Variants in NT5DC3 observed in about 807,000 individuals in gnomAD.
NT5DC3 encodes 5'-nucleotidase domain-containing protein 3.
A neutral mutation model predicts 67.8 loss-of-function variants in NT5DC3; 42 were observed. That is an observed-to-expected ratio of 0.62 (90% CI 0.48 to 0.80). NT5DC3 has a LOEUF of 0.80. NT5DC3 is among the 30% of genes least tolerant of loss of function. NT5DC3 has a pLI of 0.00. For missense variants in NT5DC3, 570 were observed against 696.4 expected, an observed-to-expected ratio of 0.82 and a Z score of 2.04; for synonymous variants, 237 against 255.6, an observed-to-expected ratio of 0.93 and a Z score of 0.69.
intron 1 of NT5DC3, among the ~76,000 whole-genome samples, chr12:103,837,241 G>C (rs1163120131): frequency 6.6e-6 from 1 of 152,174 alleles, no homozygotes; most frequent in South Asian, 2.1e-4. Context: ...AGGACACAGC[G>C]CACACAGCAT....
intron 1 of NT5DC3, among the ~76,000 whole-genome samples, chr12:103,829,287 G>A (rs1254346509): frequency 6.6e-6 from 1 of 152,158 alleles, no homozygotes. Context: ...AGCACAAAAG[G>A]AGAACCAGAA....
chr12:103,766,285 G>A (rs1415223230), downstream of NT5DC3: 1 of 1,614,108 alleles, frequency 6.2e-7, no homozygotes, highest in South Asian at 1.1e-5. Flanking sequence ...CTCTTTTCCA[G>A]GACTCTGAAG....
chr12:103,792,738 C>A (rs1886120611), intron 9 of NT5DC3, among the ~76,000 whole-genome samples: 1 of 152,188 alleles, frequency 6.6e-6, no homozygotes, highest in African/African-American at 2.4e-5. Context: ...TGTTGCAGAG[C>A]AGCTCTGCAA....
chr12:103,835,807 T>G (rs978004932), intron 1 of NT5DC3, among the ~76,000 whole-genome samples: 1 of 152,078 alleles, frequency 6.6e-6, no homozygotes, highest in South Asian at 2.1e-4. Context: ...CAAACTCTGG[T>G]CCAACGGTAT....
chr12:103,759,368 C>T, the NT5DC3 span: 4 of 1,495,908 alleles, frequency 2.7e-6, no homozygotes, highest in Non-Finnish European at 3.6e-6. Flanking sequence ...AACTATTATG[C>T]AAACATAAAC....
intron 1 of NT5DC3, among the ~76,000 whole-genome samples, chr12:103,818,231 G>T (rs1247449195): frequency 6.6e-6 from 1 of 152,116 alleles, no homozygotes; most frequent in East Asian, 1.9e-4. Context: ...CATTATGAAG[G>T]CACATGTATG....
intron 2 of NT5DC3, among the ~76,000 whole-genome samples, chr12:103,814,001 G>A (rs1887142126): frequency 6.6e-6 from 1 of 152,084 alleles, no homozygotes; most frequent in African/African-American, 2.4e-5. Context: ...AATTCCCTAA[G>A]GCAGAGAAAG....
chr12:103,746,582 C>A, the NT5DC3 span: 1 of 1,613,032 alleles, frequency 6.2e-7, no homozygotes, highest in Non-Finnish European at 8.5e-7. Context: ...ATGAAAGTGG[C>A]CCCTTTCTTT....
At chr12:103,836,518 T>C (rs139194983) in intron 1 of NT5DC3, among the ~76,000 whole-genome samples, 52 of 152,312 alleles carry the variant, frequency 3.4e-4, no homozygotes, top group African/African-American at 1.2e-3. Flanking sequence ...TCCAGGTCTC[T>C]ACATGGACTA....
At chr12:103,755,267 G>A in the NT5DC3 span, 1 of 1,605,420 alleles carries the variant, frequency 6.2e-7, no homozygotes. Flanking sequence ...ACATGAACTT[G>A]CAGCTGACCC....
Position 103,813,155 on chromosome 12 carries a change from T to A in NT5DC3, c.393+1782A>T, listed in dbSNP as rs1566119268. ...TCAAAGTCACAGAAAACACTGCAGC[T>A]GACCTGGAACTGAAATGCCAGCACC... On this transcript the variant is annotated intron_variant, in intron 2 of 13. Coordinates refer to ENST00000392876, the MANE Select transcript of NT5DC3 (RefSeq NM_001031701.3). Among the ~76,000 whole-genome samples, 6 of 152,376 alleles carry A rather than the reference T, an allele frequency of 3.9e-5. No individual in the cohort carries two copies. The South Asian group carries it at 6.2e-4, about 16-fold the overall frequency.
At chr12:103,826,345 G>A (rs574457720) in intron 1 of NT5DC3, among the ~76,000 whole-genome samples, 11 of 152,230 alleles carry the variant, frequency 7.2e-5, no homozygotes, top group Non-Finnish European at 1.3e-4. Flanking sequence ...ATTGGTATCA[G>A]CTGACTTTCA....
At chr12:103,786,579 T>C (rs1235549065) in intron 11 of NT5DC3, among the ~76,000 whole-genome samples, 6 of 152,122 alleles carry the variant, frequency 3.9e-5, no homozygotes, top group Admixed American at 6.5e-5. Flanking sequence ...AGCTGATTTA[T>C]AGTTTTAAAG....
At chr12:103,809,562 C>T (rs955193501) in intron 2 of NT5DC3, among the ~76,000 whole-genome samples, 5 of 152,222 alleles carry the variant, frequency 3.3e-5, no homozygotes, top group Admixed American at 2.6e-4. Context: ...GGAGACCTCA[C>T]AATCATGGAG....
rs1298124876 is a variant in NT5DC3 at position 103,841,070 on chromosome 12, G to T, written c.87C>A (p.Thr29=). 3 of 1,259,828 alleles carry T rather than the reference G, an allele frequency of 2.4e-6. No homozygotes were observed. The highest frequency in any genetic ancestry group is 2.0e-6 in the Non-Finnish European group (2 of 1,005,204). The allele number at this position is 1,259,828 out of a possible 1,614,324, so 78.0% of individuals were successfully genotyped here. Residue 29 remains threonine, a synonymous_variant, in exon 1 of 14, where the codon ACC becomes ACA. Transcript: ENST00000392876. ...CCGCACACGGCCGCCCCCGAGCCGC[G>T]GTCCCGCAGCCACCCCGCAAAGCCG... ...TAAALRGGCG[T]AARGRPCAGP...
At chr12:103,808,344 A>G (rs1228548904) in intron 2 of NT5DC3, among the ~76,000 whole-genome samples, 3 of 152,192 alleles carry the variant, frequency 2.0e-5, no homozygotes, top group Admixed American at 6.5e-5. Context: ...AGGACAGAAC[A>G]TCTATTCCTG....
At chr12:103,770,774 G>T (rs1293667681), downstream of NT5DC3, 5 of 152,222 alleles carry the variant, frequency 3.3e-5, no homozygotes, top group Non-Finnish European at 7.3e-5. Flanking sequence ...TGGTCTGAAT[G>T]TTTGTGACCC....
intron 2 of NT5DC3, among the ~76,000 whole-genome samples, chr12:103,810,751 G>A (rs1022315226): frequency 5.9e-5 from 9 of 152,198 alleles, no homozygotes; most frequent in African/African-American, 1.9e-4. Context: ...ATGCAGCAGC[G>A]AACCCAGGAC....
intron 5 of NT5DC3, 150 bp downstream of exon 5, chr12:103,798,437 T>G: frequency 1.6e-6 from 1 of 616,498 alleles, no homozygotes; most frequent in Admixed American, 2.9e-5. Flanking sequence ...CATGAAAGAA[T>G]CTGGGGGTGT....
Sources: gnomAD v4.1 joint callset for allele counts (sites outside exome capture counted in the v4.1 genomes callset) on GRCh38, gnomAD v4.1.1 for gene constraint, MANE v1.5 for transcripts, NCBI Gene and HGNC (gene_info 2026-07-23, HGNC 2026-07-21) for gene names.